PRPF19: variants seen among roughly 807,000 people sequenced by gnomAD.
PRPF19 encodes pre-mRNA-processing factor 19.
Under a neutral mutation model 64.2 loss-of-function variants are expected in PRPF19, and 2 were observed. The observed-to-expected ratio is 0.03, with a 90% CI of 0.01 to 0.10. The LOEUF is 0.10. Ranked by LOEUF, PRPF19 falls within the 10% of genes least tolerant of loss-of-function variation. The pLI, the probability that PRPF19 is intolerant of heterozygous loss-of-function variation, is 1.00. For synonymous variants in PRPF19, 226 were observed against 251.6 expected, an observed-to-expected ratio of 0.90 and a Z score of 0.96; for missense variants, 314 against 650.0, an observed-to-expected ratio of 0.48 and a Z score of 5.62.
rs774231121 is a variant in PRPF19 at position 60,906,354 on chromosome 11, C to T, written c.19+10G>A. On this transcript the variant is annotated intron_variant, in intron 1 of 15. Coordinates refer to ENST00000227524, the MANE Select transcript of PRPF19 (RefSeq NM_014502.5). ...CCTGAGACCCGCGCTTGGCCGCAGC[C>T]AACACTCACTGGAGCAGATTAGGGA... 34 of 1,599,936 alleles carry T rather than the reference C, an allele frequency of 2.1e-5. 1 individual carries two copies. In the African/African-American group the frequency reaches 4.0e-4, roughly 19 times the overall value.
intron 1 of PRPF19, among the ~76,000 whole-genome samples, 191 bp from the exon 2 acceptor site, chr11:60,904,052 TA>T (rs1856015597): frequency 6.6e-6 from 1 of 152,154 alleles, no homozygotes; most frequent in Non-Finnish European, 1.5e-5. Context: ...CCTTTTCCTT[TA>T]GTCTCCTGAC....
At position 60,906,405 on chromosome 11, in the gene PRPF19, G is replaced by A. The variant is rs376034392; in HGVS notation, c.-23C>T. 24 of 1,565,222 alleles carry A rather than the reference G, an allele frequency of 1.5e-5. No homozygotes were observed. The African/African-American group carries it at 2.7e-4, about 18-fold the overall frequency. On this transcript the variant is annotated 5_prime_UTR_variant, in exon 1 of 16. Transcript: ENST00000227524. ...CATGGCGCCGTCACCGTGCTCCGAG[G>A]CGCCACACGCCGGGCTCCGGGACTA...
Position 60,906,378 on chromosome 11 carries a change from G to C in PRPF19, c.5C>G (p.Ser2Cys). Residue 2 changes from serine (S) to cysteine (C), a missense_variant, in exon 1 of 16, where the codon TCC (serine) becomes TGC (cysteine). Physicochemically the swap from Ser to Cys is moderately radical, Grantham distance 112. Around this residue, in one of 7 missense-constraint regions of PRPF19, gnomAD observed 66 missense variants for 88.4 expected, o/e 0.75. Coordinates refer to ENST00000227524, the MANE Select transcript of PRPF19 (RefSeq NM_014502.5). M[S>C]LICSISNEVP... is the part of the protein sequence containing the mutation. Reference sequence around the variant, plus strand: ...CCAACACTCACTGGAGCAGATTAGGGACATGGCGCCGTCACCGTGCTCCGA... The same window carrying C: ...CCAACACTCACTGGAGCAGATTAGGCACATGGCGCCGTCACCGTGCTCCGA... 6.3e-7 allele frequency: 1 copy of C among 1,598,166 alleles called. No homozygotes were observed. Among genetic ancestry groups the C allele is most frequent in the Non-Finnish European group, 8.5e-7 (1 of 1,174,158 alleles).
chr11:60,900,409 C>T (rs1855971028), intron 10 of PRPF19, among the ~76,000 whole-genome samples, 173 bp downstream of exon 10: 1 of 152,220 alleles, frequency 6.6e-6, no homozygotes, highest in African/African-American at 2.4e-5. Flanking sequence ...TAGAAGGTCT[C>T]ACGCAGAGTG....
intron 15 of PRPF19, among the ~76,000 whole-genome samples, chr11:60,897,165 A>T (rs1039552876): frequency 6.6e-6 from 1 of 152,168 alleles, no homozygotes; most frequent in Non-Finnish European, 1.5e-5. Flanking sequence ...GTACCATTTT[A>T]AAAAAATCTC....
At position 60,899,200 on chromosome 11, in the gene PRPF19, G is replaced by A. The variant is rs757326568; in HGVS notation, c.933C>T (p.Gly311=). The change falls in exon 11 of 16, where the codon GGC becomes GGT. Residue 311 remains glycine, a synonymous_variant. Coordinates refer to ENST00000227524, the MANE Select transcript of PRPF19 (RefSeq NM_014502.5). ...AGTCGCCAGTGGCATGAAGGCTGAG[G>A]CCTGTCACAGCACTCTCATGGGCCC... ...VVRAHESAVT[G]LSLHATGDYL... is the part of the protein sequence containing the mutation. The A allele has an allele frequency of 6.2e-7, 1 of 1,613,936 alleles. No individual in the cohort carries two copies. The highest frequency in any genetic ancestry group is 8.5e-7 in the Non-Finnish European group (1 of 1,180,004).
In PRPF19 at chr11:60,903,448, C is replaced by G; in HGVS notation, c.246+11G>C. The G allele has an allele frequency of 6.2e-7, 1 of 1,610,128 alleles. No individual in the cohort carries two copies. Among genetic ancestry groups the G allele is most frequent in the Non-Finnish European group, 8.5e-7 (1 of 1,177,600 alleles). ...AGTGGGGAAGATGCTGATTCTCTTG[C>G]AGGAACTCACCCACTCATCCTGCAA... On this transcript the variant is annotated intron_variant, in intron 3 of 15. Coordinates refer to ENST00000227524, the MANE Select transcript of PRPF19 (RefSeq NM_014502.5).
At position 60,890,909 on chromosome 11, in the gene PRPF19, T is replaced by C; in HGVS notation, c.*257A>G. 1 of 586,298 alleles carries C rather than the reference T, an allele frequency of 1.7e-6. No homozygotes were observed. Among genetic ancestry groups the C allele is most frequent in the Non-Finnish European group, 3.2e-6 (1 of 312,678 alleles). The allele number at this position is 586,298 out of a possible 1,614,324, so 36.3% of individuals were successfully genotyped here. ...TTGAACGACAGGAAGGGAGAGGCCCTGGGCTCCGACCCTGGGCCTTAAGAG... is the reference window on the plus strand; with the variant it reads ...TTGAACGACAGGAAGGGAGAGGCCCCGGGCTCCGACCCTGGGCCTTAAGAG... On this transcript the variant is annotated 3_prime_UTR_variant, in exon 16 of 16. Coordinates refer to ENST00000227524, the MANE Select transcript of PRPF19 (RefSeq NM_014502.5).
chr11:60,902,263 C>G lies in PRPF19; in HGVS notation c.525+140G>C, dbSNP rs1003516489. ...CAAGTAGTGGCATCAAAATACAAAC[C>G]CAGGCAATCTGGTCCCAGGGTCCAT... On this transcript the variant is annotated intron_variant, in intron 6 of 15. Coordinates refer to ENST00000227524, the MANE Select transcript of PRPF19 (RefSeq NM_014502.5). This position sits in a 1 kb window ranked among gnomAD's most constrained non-coding sequence, Gnocchi z 5.0. 3.2e-6 allele frequency: 3 copies of G among 941,482 alleles called. No homozygotes were observed. Among genetic ancestry groups the G allele is most frequent in the African/African-American group, 3.3e-5 (2 of 60,440 alleles). 58.3% of individuals were successfully genotyped at this position (941,482 alleles called of 1,614,324 possible).
At chr11:60,894,520 C>A (rs1855899380) in intron 15 of PRPF19, among the ~76,000 whole-genome samples, 1 of 152,336 alleles carries the variant, frequency 6.6e-6, no homozygotes, top group South Asian at 2.1e-4. Context: ...CTTACCATTT[C>A]CTCCACATCT....
chr11:60,902,415 C>A lies in PRPF19; in HGVS notation c.513G>T (p.Glu171Asp). 1 of 1,614,116 alleles carries A rather than the reference C, an allele frequency of 6.2e-7. No individual in the cohort carries two copies. The highest frequency in any genetic ancestry group is 8.5e-7 in the Non-Finnish European group (1 of 1,180,002). The change falls in exon 6 of 16, where the codon GAG (glutamate) becomes GAT (aspartate). Residue 171 changes from glutamate to aspartate, a missense_variant. By Grantham distance (45) the Glu-to-Asp change is conservative. Transcript: ENST00000227524. This position sits in a 1 kb window ranked among gnomAD's most constrained non-coding sequence, Gnocchi z 5.0. The part of the protein sequence containing the change: ...DLGELVGMTP[E>D]IIQKLQDKAT... Reference sequence around the variant, plus strand: ...GAGCAGGACTTACCTTCTGAATAATCTCTGGGGTCATTCCCACCAGCTCAC... The same window carrying A: ...GAGCAGGACTTACCTTCTGAATAATATCTGGGGTCATTCCCACCAGCTCAC...
chr11:60,897,934 A>G lies in PRPF19; in HGVS notation c.1329T>C (p.Phe443=), dbSNP rs756940319. 5.6e-6 allele frequency: 9 copies of G among 1,614,126 alleles called. No individual in the cohort carries two copies. Among genetic ancestry groups the G allele is most frequent in the Non-Finnish European group, 7.6e-6 (9 of 1,180,044 alleles). The change falls in exon 15 of 16, where the codon TTT becomes TTC. Residue 443 remains phenylalanine, a synonymous_variant. Transcript: ENST00000227524. The part of the protein sequence containing the change: ...DNNFEVKSLI[F]DQSGTYLALG... ...GAGCCAGGTAGGTACCACTCTGGTC[A>G]AAGATCAGTGACTTTACCTGCCAGA...
intron 15 of PRPF19, among the ~76,000 whole-genome samples, chr11:60,897,008 G>C (rs1855929697): frequency 1.3e-5 from 2 of 152,086 alleles, no homozygotes; most frequent in Admixed American, 1.3e-4. Context: ...AGTTTTTTAT[G>C]AATTTAGTAA....
intron 1 of PRPF19, among the ~76,000 whole-genome samples, chr11:60,906,037 G>C (rs1187317345): frequency 1.3e-5 from 2 of 152,268 alleles, no homozygotes; most frequent in African/African-American, 4.8e-5. Flanking sequence ...CCCTGGACAA[G>C]ACCTCGAGTT....
rs146702885 is a variant in PRPF19, at chr11:60,896,530, T to C, written c.1417+1316A>G. ...ATGCTGTTCTCATGATAGTGAGTTCTCACGAGATCTGATGGTTTTATGAGG... is the reference window on the plus strand; with the variant it reads ...ATGCTGTTCTCATGATAGTGAGTTCCCACGAGATCTGATGGTTTTATGAGG... On this transcript the variant is annotated intron_variant, in intron 15 of 15. Transcript: ENST00000227524. Among the ~76,000 whole-genome samples, 606 of 152,340 alleles carry C rather than the reference T, an allele frequency of 4.0e-3. 4 individuals carry two copies. Among genetic ancestry groups the C allele is most frequent in the African/African-American group, 0.013 (553 of 41,578 alleles).
In PRPF19 at chr11:60,898,334, TC is replaced by T. The variant is rs1372527904; in HGVS notation, c.1141-64del. 7.0e-6 allele frequency: 11 copies of T among 1,574,646 alleles called. No individual in the cohort carries two copies. Among genetic ancestry groups the T allele is most frequent in the Non-Finnish European group, 8.6e-6 (10 of 1,159,428 alleles). ...GATCATGAGAGGAAGAAAATGGGGCTCACCAAACTCCTACCTGAGATGTCCC... is the reference window on the plus strand; with the variant it reads ...GATCATGAGAGGAAGAAAATGGGGCTACCAAACTCCTACCTGAGATGTCCC... On this transcript the variant is annotated intron_variant, in intron 13 of 15. Transcript: ENST00000227524. The surrounding 1 kb of genome is among the most constrained non-coding windows in gnomAD (Gnocchi z 4.6).
chr11:60,892,382 C>A (rs956941102), intron 15 of PRPF19, among the ~76,000 whole-genome samples: 1 of 152,176 alleles, frequency 6.6e-6, no homozygotes. Flanking sequence ...AGACTAAGAC[C>A]CAATGCTGAG....
rs1855945074 is a variant in PRPF19, at chr11:60,898,437, T to G, written c.1140+104A>C. ...ATATCACACACGCACAGCCAGTGTC[T>G]CTCCACCTTCAGGGCCAGGTGCCAC... On this transcript the variant is annotated intron_variant, in intron 13 of 15. Coordinates refer to ENST00000227524, the MANE Select transcript of PRPF19 (RefSeq NM_014502.5). The surrounding 1 kb of genome is among the most constrained non-coding windows in gnomAD (Gnocchi z 4.6). The G allele has an allele frequency of 1.3e-6, 2 of 1,575,578 alleles. No individual in the cohort carries two copies. Among genetic ancestry groups the G allele is most frequent in the Admixed American group, 3.6e-5 (2 of 56,328 alleles).
chr11:60,901,906 C>G (rs533860203), intron 6 of PRPF19, among the ~76,000 whole-genome samples: 2 of 152,312 alleles, frequency 1.3e-5, no homozygotes, highest in East Asian at 3.9e-4. Flanking sequence ...CTCAGAAAGA[C>G]ACTAAGAAGC....
Sources: allele counts gnomAD v4.1 joint callset (sites outside exome capture counted in the v4.1 genomes callset), GRCh38; gene constraint gnomAD v4.1.1; regional missense constraint gnomAD v4.1.1; non-coding constraint Gnocchi (gnomAD v3.1); transcripts MANE v1.5; gene names NCBI Gene and HGNC (gene_info 2026-07-23, HGNC 2026-07-21).